The following ARHGAP15 variants were observed in gnomAD, a reference collection of about 807,000 sequenced individuals.
The protein encoded by ARHGAP15 is Rho GTPase activating protein 15.
ARHGAP15 carries 51 observed loss-of-function variants against 63.7 expected under a neutral mutation model. The ratio of observed to expected loss-of-function variants is 0.80; its 90% CI spans 0.64 to 1.01. The LOEUF (loss-of-function observed/expected upper bound fraction) is 1.01. Ranked by LOEUF, ARHGAP15 falls within the 50% of genes least tolerant of loss-of-function variation. The pLI is 0.00. For synonymous variants in ARHGAP15, 191 were observed against 193.8 expected, an observed-to-expected ratio of 0.99 and a Z score of 0.12; for missense variants, 560 against 564.6, an observed-to-expected ratio of 0.99 and a Z score of 0.08.
chr2:143,436,279 G>C (rs901753298), intron 7 of ARHGAP15, among the ~76,000 whole-genome samples: 2 of 152,030 alleles, frequency 1.3e-5, no homozygotes, highest in African/African-American at 4.8e-5. Context: ...TTAATTTTAT[G>C]ACACTAATAT....
At chr2:143,169,719 T>A (rs1380258984) in intron 2 of ARHGAP15, among the ~76,000 whole-genome samples, 1 of 86,224 alleles carries the variant, frequency 1.2e-5, no homozygotes, top group Non-Finnish European at 3.3e-5. Flanking sequence ...CCCTCCAGGT[T>A]CAATCAGAAC....
chr2:143,469,703 GGATATGAGATATCTCATTAACAAATTTTA>G (rs1691423850), intron 8 of ARHGAP15, among the ~76,000 whole-genome samples: 4 of 152,178 alleles, frequency 2.6e-5, no homozygotes, highest in African/African-American at 9.7e-5. Context: ...ACAATGAAAA[GGATATGAGATATCTCATTAACAAATTTTA>G]TATTGCTTCC....
At chr2:143,362,721 CT>C in intron 6 of ARHGAP15, among the ~76,000 whole-genome samples, 1 of 152,172 alleles carries the variant, frequency 6.6e-6, no homozygotes, top group Non-Finnish European at 1.5e-5. Context: ...AAATGAACTA[CT>C]CTAACTACTT....
At chr2:143,509,171 A>G (rs774263890) in intron 9 of ARHGAP15, among the ~76,000 whole-genome samples, 11 of 152,320 alleles carry the variant, frequency 7.2e-5, no homozygotes, top group Non-Finnish European at 1.5e-4. Context: ...ATCACCAGAG[A>G]CTTTAGAATC....
chr2:143,582,678 G>A (rs929350624), intron 11 of ARHGAP15, among the ~76,000 whole-genome samples: 2 of 152,248 alleles, frequency 1.3e-5, no homozygotes, highest in African/African-American at 4.8e-5. Context: ...TAAAAGATGT[G>A]GAGACAAACT....
rs142714147 is a variant in ARHGAP15, at chr2:143,581,694, T to G, written c.1003+25209T>G. ...TGTAAATAAATAGGTCTTAAATGAG[T>G]TACAGGAAAAAAATGTAGGTTATAC... On this transcript the variant is annotated intron_variant, in intron 11 of 13. Transcript: ENST00000295095. Among the ~76,000 whole-genome samples, 326 of 152,170 alleles carry G rather than the reference T, an allele frequency of 2.1e-3. 1 individual carries two copies. Among genetic ancestry groups the G allele is most frequent in the African/African-American group, 7.0e-3 (292 of 41,514 alleles).
intron 9 of ARHGAP15, 138 bp from the exon 10 acceptor site, chr2:143,519,128 G>A: frequency 1.8e-6 from 1 of 570,790 alleles, no homozygotes; most frequent in Non-Finnish European, 3.2e-6. Context: ...GTCTGCCATA[G>A]ACACTATGGA....
At chr2:143,603,225 A>G (rs934359325) in intron 11 of ARHGAP15, among the ~76,000 whole-genome samples, 3 of 152,174 alleles carry the variant, frequency 2.0e-5, no homozygotes, top group Non-Finnish European at 1.5e-5. Context: ...ATGTTCAGGC[A>G]CAGCCAGGGA....
chr2:143,551,094 A>C (rs1343395424), intron 10 of ARHGAP15, among the ~76,000 whole-genome samples: 1 of 152,196 alleles, frequency 6.6e-6, no homozygotes, highest in Non-Finnish European at 1.5e-5. Context: ...ATACCATTCA[A>C]AGTTAATAAA....
intron 6 of ARHGAP15, among the ~76,000 whole-genome samples, chr2:143,354,528 G>A (rs1431364329): frequency 6.6e-6 from 1 of 151,960 alleles, no homozygotes; most frequent in Non-Finnish European, 1.5e-5. Flanking sequence ...AGTGGAAGGA[G>A]TTTTACGGAG....
chr2:143,741,464 T>C (rs982841500), intron 13 of ARHGAP15, among the ~76,000 whole-genome samples: 3 of 152,176 alleles, frequency 2.0e-5, no homozygotes, highest in African/African-American at 4.8e-5. Context: ...TGGAATGAAT[T>C]TTTTTTCTGA....
At chr2:143,177,664 C>A (rs1691060985) in intron 2 of ARHGAP15, among the ~76,000 whole-genome samples, 1 of 152,182 alleles carries the variant, frequency 6.6e-6, no homozygotes, top group South Asian at 2.1e-4. Context: ...GAGGTCAAAT[C>A]TATTTTCATA....
intron 6 of ARHGAP15, among the ~76,000 whole-genome samples, chr2:143,259,695 A>G (rs1279732070): frequency 1.3e-5 from 2 of 152,162 alleles, no homozygotes; most frequent in Non-Finnish European, 2.9e-5. Context: ...CCTACATGTC[A>G]TTCATCTGAT....
chr2:143,131,231 C>A (rs1183199763), intron 1 of ARHGAP15, among the ~76,000 whole-genome samples: 1 of 152,032 alleles, frequency 6.6e-6, no homozygotes, highest in Non-Finnish European at 1.5e-5. Flanking sequence ...AATTAAAATA[C>A]CTTCAGAATT....
chr2:143,163,259 G>A (rs760347430), intron 2 of ARHGAP15, among the ~76,000 whole-genome samples: 53 of 151,868 alleles, frequency 3.5e-4, no homozygotes, highest in Non-Finnish European at 3.2e-4. Flanking sequence ...TAATGGCACG[G>A]TAGCATCTTT....
At chr2:143,432,474 C>T (rs973035549) in intron 6 of ARHGAP15, among the ~76,000 whole-genome samples, 1 of 152,002 alleles carries the variant, frequency 6.6e-6, no homozygotes, top group Non-Finnish European at 1.5e-5. Context: ...CAAATTTCTT[C>T]GCTCTTCATC....
chr2:143,186,779 A>G (rs1010254369), intron 2 of ARHGAP15, among the ~76,000 whole-genome samples: 3 of 152,214 alleles, frequency 2.0e-5, no homozygotes, highest in Non-Finnish European at 2.9e-5. Context: ...TGCTGAGAGT[A>G]CTAATGAGCA....
intron 11 of ARHGAP15, among the ~76,000 whole-genome samples, chr2:143,623,670 C>G (rs577388107): frequency 1.1e-4 from 16 of 152,350 alleles, no homozygotes; most frequent in African/African-American, 3.8e-4. Flanking sequence ...CATAGCAAGG[C>G]TAACACATGT....
chr2:143,596,993 A>T (rs1450219853), intron 11 of ARHGAP15, among the ~76,000 whole-genome samples: 2 of 152,142 alleles, frequency 1.3e-5, no homozygotes, highest in Non-Finnish European at 2.9e-5. Context: ...ATTATCCTCA[A>T]TAATACATAA....
Sources: allele counts gnomAD v4.1 joint callset (sites outside exome capture counted in the v4.1 genomes callset), GRCh38; gene constraint gnomAD v4.1.1; transcripts MANE v1.5; gene names NCBI Gene and HGNC (gene_info 2026-07-23, HGNC 2026-07-21).